C9: variants seen among roughly 807,000 people sequenced by gnomAD.
The protein encoded by C9 is complement C9.
A neutral mutation model predicts 65.4 loss-of-function variants in C9; 63 were observed. That is an observed-to-expected ratio of 0.96 (90% confidence interval 0.79 to 1.19). The LOEUF is 1.19. C9 is among the 50% of genes most tolerant of loss of function. The pLI is 0.00. For synonymous variants in C9, 229 were observed against 227.9 expected (o/e 1.00, Z -0.04); for missense variants, 744 against 670.1 (o/e 1.11, Z -1.22).
intron 5 of C9, among the ~76,000 whole-genome samples, chr5:39,330,410 A>G (rs1753819148): frequency 6.6e-6 from 1 of 152,148 alleles, no homozygotes; most frequent in African/African-American, 2.4e-5. Flanking sequence ...TCACTATTCT[A>G]TGTCGTACAA....
intron 5 of C9, among the ~76,000 whole-genome samples, chr5:39,324,816 A>C (rs560738661): frequency 5.6e-4 from 86 of 152,336 alleles, no homozygotes; most frequent in African/African-American, 1.9e-3. Flanking sequence ...AGAAAAACAC[A>C]AAGATGGAAG....
Position 39,342,590 on chromosome 5 carries a change from C to T in C9, c.78-394G>A, listed in dbSNP as rs149404372. Among the ~76,000 whole-genome samples the T allele has an allele frequency of 7.6e-3, 1,150 of 152,036 alleles. 16 individuals carry two copies. The highest frequency in any genetic ancestry group is 0.024 in the African/African-American group (980 of 41,458). ...GTGTCTTCCTTCCCATCCACCATAC[C>T]CCACCCCTCCCAAGAATCTGGTGAG... On this transcript the variant is annotated intron_variant, in intron 1 of 10. Coordinates refer to ENST00000263408, the MANE Select transcript of C9 (RefSeq NM_001737.5).
intron 10 of C9, among the ~76,000 whole-genome samples, chr5:39,286,313 C>A (rs947974551): frequency 1.3e-5 from 2 of 151,940 alleles, no homozygotes; most frequent in African/African-American, 4.8e-5. Context: ...TCACTAAGTA[C>A]TGAAGAAAGC....
At chr5:39,313,630 C>CTT (rs1396395657) in intron 6 of C9, among the ~76,000 whole-genome samples, 1 of 152,160 alleles carries the variant, frequency 6.6e-6, no homozygotes, top group Non-Finnish European at 1.5e-5. Flanking sequence ...AGACCACACT[C>CTT]TAAGTAGCAA....
chr5:39,293,323 T>C (rs1020313219), intron 9 of C9, among the ~76,000 whole-genome samples: 2 of 151,914 alleles, frequency 1.3e-5, no homozygotes, highest in Non-Finnish European at 2.9e-5. Context: ...AGAAACTCAC[T>C]TCACCTGTAA....
At chr5:39,308,889 G>C (rs1388170211) in intron 7 of C9, among the ~76,000 whole-genome samples, 1 of 152,082 alleles carries the variant, frequency 6.6e-6, no homozygotes, top group Non-Finnish European at 1.5e-5. Context: ...TAGCTACTAA[G>C]CACTTCTCTG....
chr5:39,286,829 A>G lies in C9; in HGVS notation c.1646-1596T>C, dbSNP rs538020987. 3.9e-5 allele frequency among the ~76,000 whole-genome samples: 6 copies of G among 152,020 alleles called. No individual in the cohort carries two copies. The South Asian group carries it at 1.2e-3, about 31-fold the overall frequency. On this transcript the variant is annotated intron_variant, in intron 10 of 10. Transcript: ENST00000263408. ...TAAAATTTAAATTAAATTCTAACTTACATATTTTGTCACCACATGATTGAG... is the reference window on the plus strand; with the variant it reads ...TAAAATTTAAATTAAATTCTAACTTGCATATTTTGTCACCACATGATTGAG...
rs561767736 is a variant in C9 at position 39,308,101 on chromosome 5, G to A, written c.1240+129C>T. 64 of 877,944 alleles carry A rather than the reference G, an allele frequency of 7.3e-5. No individual in the cohort carries two copies. The East Asian group carries it at 1.0e-3, about 14-fold the overall frequency. 54.4% of individuals were successfully genotyped at this position (877,944 alleles called of 1,614,324 possible). Reference sequence around the variant, plus strand: ...CGGTGTTTATAGTGGTTTGAAAACCGCTTTAAATGTAAGATAGTTTTTAAG... The same window carrying A: ...CGGTGTTTATAGTGGTTTGAAAACCACTTTAAATGTAAGATAGTTTTTAAG... On this transcript the variant is annotated intron_variant, in intron 8 of 10. Coordinates refer to ENST00000263408, the MANE Select transcript of C9 (RefSeq NM_001737.5).
Position 39,308,319 on chromosome 5 carries a change from T to G in C9, c.1151A>C (p.His384Pro). The G allele has an allele frequency of 6.2e-7, 1 of 1,604,606 alleles. No individual in the cohort carries two copies. Among genetic ancestry groups the G allele is most frequent in the South Asian group, 1.1e-5 (1 of 90,892 alleles). The change falls in exon 8 of 11, where the codon CAT becomes CCT. Residue 384 changes from histidine (H) to proline (P), a missense_variant. His to Pro is a moderately conservative substitution (Grantham distance 77). Transcript: ENST00000263408. ...LKDIKRCLGY[H>P]LDVSLAFSEI... ...AGAGAAAGCCAGAGATACATCCAGA[T>G]GATACCCAAGGCATCTCTTTATGTC...
intron 1 of C9, among the ~76,000 whole-genome samples, chr5:39,350,708 A>T (rs1754306740): frequency 6.6e-6 from 1 of 152,202 alleles, no homozygotes; most frequent in South Asian, 2.1e-4. Context: ...ATGTTCAGGG[A>T]ATGCTGATGC....
chr5:39,325,556 T>C (rs1437018175), intron 5 of C9, among the ~76,000 whole-genome samples: 4 of 152,056 alleles, frequency 2.6e-5, no homozygotes, highest in Admixed American at 6.6e-5. Flanking sequence ...AGGCGGATCA[T>C]GATGTCAGGA....
chr5:39,320,315 G>A (rs764704693), intron 5 of C9, among the ~76,000 whole-genome samples: 18 of 151,858 alleles, frequency 1.2e-4, no homozygotes, highest in Non-Finnish European at 1.8e-4. Flanking sequence ...TAGAGAGAAA[G>A]AAAGCATAAA....
chr5:39,309,081 G>A (rs1047251417), intron 7 of C9, among the ~76,000 whole-genome samples: 4 of 152,072 alleles, frequency 2.6e-5, no homozygotes, highest in African/African-American at 9.7e-5. Flanking sequence ...ACTCATTATG[G>A]TGTGTAGATG....
intron 1 of C9, among the ~76,000 whole-genome samples, chr5:39,356,958 TA>T (rs879306383): frequency 8.5e-5 from 13 of 152,210 alleles, no homozygotes; most frequent in Non-Finnish European, 1.9e-4. Flanking sequence ...GTTTATCAAA[TA>T]AAACGTATCT....
At chr5:39,350,215 C>T (rs1391146866) in intron 1 of C9, among the ~76,000 whole-genome samples, 1 of 152,134 alleles carries the variant, frequency 6.6e-6, no homozygotes, top group African/African-American at 2.4e-5. Flanking sequence ...AACCAGGTCT[C>T]ATGAGAACTC....
chr5:39,328,439 T>C (rs1275725479), intron 5 of C9, among the ~76,000 whole-genome samples: 1 of 152,172 alleles, frequency 6.6e-6, no homozygotes, highest in Non-Finnish European at 1.5e-5. Context: ...TCAGTTGAAA[T>C]TATAATGCTA....
At chr5:39,351,015 C>T (rs1412889007) in intron 1 of C9, among the ~76,000 whole-genome samples, 1 of 152,222 alleles carries the variant, frequency 6.6e-6, no homozygotes, top group Non-Finnish European at 1.5e-5. Flanking sequence ...CATTTCTATA[C>T]ATTCTCTGAA....
chr5:39,345,740 C>T (rs973370271), intron 1 of C9, among the ~76,000 whole-genome samples: 2 of 152,210 alleles, frequency 1.3e-5, no homozygotes, highest in Admixed American at 6.5e-5. Context: ...CCACATCGCA[C>T]TTATCTCAAA....
At chr5:39,358,291 G>T (rs1422740929) in intron 1 of C9, among the ~76,000 whole-genome samples, 7 of 152,234 alleles carry the variant, frequency 4.6e-5, no homozygotes, top group African/African-American at 1.7e-4. Flanking sequence ...TAGAGAGGAA[G>T]CTCTGTGAGG....
Sources: gnomAD v4.1 joint callset for allele counts (sites outside exome capture counted in the v4.1 genomes callset) on GRCh38, gnomAD v4.1.1 for gene constraint, MANE v1.5 for transcripts, NCBI Gene and HGNC (gene_info 2026-07-23, HGNC 2026-07-21) for gene names.